The following CSNK1D variants were observed in gnomAD, a reference collection of about 807,000 sequenced individuals.
The protein encoded by CSNK1D is casein kinase I isoform delta.
Under a neutral mutation model 46.6 loss-of-function variants are expected in CSNK1D, and 16 were observed. That is an observed-to-expected ratio of 0.34 (90% CI 0.23 to 0.52). The LOEUF (loss-of-function observed/expected upper bound fraction) is 0.52. Among genes scored for constraint, CSNK1D ranks in the 20% least tolerant of loss-of-function variants. The pLI is 0.95. For missense variants in CSNK1D, 398 were observed against 578.4 expected, an observed-to-expected ratio of 0.69 and a Z score of 3.20; for synonymous variants, 276 against 228.2, an observed-to-expected ratio of 1.21 and a Z score of -1.89.
At position 82,252,647 on chromosome 17, in the gene CSNK1D, C is replaced by T; in HGVS notation, c.566-43G>A. 1 of 1,596,002 alleles carries T rather than the reference C, an allele frequency of 6.3e-7. No homozygotes were observed. Among genetic ancestry groups the T allele is most frequent in the Non-Finnish European group, 8.5e-7 (1 of 1,172,068 alleles). On this transcript the variant is annotated intron_variant, in intron 4 of 8. Transcript: ENST00000314028. This position sits in a 1 kb window ranked among gnomAD's most constrained non-coding sequence, Gnocchi z 4.6. ...AGGCGTGAAGAACGGCACTTGCGTG[C>T]TCACGTCAAAGCAAAAGACCCGGCT...
Position 82,250,253 on chromosome 17 carries a change from C to CA in CSNK1D, c.886-652dup. On this transcript the variant is annotated intron_variant, in intron 6 of 8. Coordinates refer to ENST00000314028, the MANE Select transcript of CSNK1D (RefSeq NM_001893.6). The surrounding 1 kb of genome is among the most constrained non-coding windows in gnomAD (Gnocchi z 4.6). ...CAAACTACAGCCCCGGGGCCAAACC[C>CA]AGGTGCCACTTCTTCCTGCAAGTAC... The CA allele has an allele frequency of 7.9e-7, 1 of 1,263,996 alleles. No individual in the cohort carries two copies. Among genetic ancestry groups the CA allele is most frequent in the Non-Finnish European group, 1.0e-6 (1 of 965,640 alleles). The allele number at this position is 1,263,996 out of a possible 1,614,324, so 78.3% of individuals were successfully genotyped here.
chr17:82,257,788 A>G, intron 2 of CSNK1D, among the ~76,000 whole-genome samples: 1 of 152,250 alleles, frequency 6.6e-6, no homozygotes, highest in East Asian at 1.9e-4. Context: ...CATGCGTGAC[A>G]TTCTCAATGT....
At chr17:82,239,842 C>T (rs2050715458), downstream of CSNK1D, 1 of 454,448 alleles carries the variant, frequency 2.2e-6, no homozygotes, top group Non-Finnish European at 3.6e-6. Flanking sequence ...GTGCCCAGGG[C>T]TGGTCTTTGC....
chr17:82,243,502 C>T lies in CSNK1D; in HGVS notation c.*1279G>A, dbSNP rs1421411929. The stretch of plus-strand genomic sequence containing the variant: ...CCAGCTCACGGAGGCCACCTGCCTT[C>T]TGGTGGGACTCGGCCCCACGCACGC... On this transcript the variant is annotated 3_prime_UTR_variant, in exon 9 of 9. Transcript: ENST00000314028. 1.0e-6 allele frequency: 1 copy of T among 985,412 alleles called. No homozygotes were observed. Among genetic ancestry groups the T allele is most frequent in the Admixed American group, 6.1e-5 (1 of 16,270 alleles). 61.0% of individuals were successfully genotyped at this position (985,412 alleles called of 1,614,324 possible).
chr17:82,249,077 CTA>C lies in CSNK1D; in HGVS notation c.1058-65_1058-64del. The C allele has an allele frequency of 6.5e-7, 1 of 1,528,256 alleles. No individual in the cohort carries two copies. The highest frequency in any genetic ancestry group is 1.2e-5 in the South Asian group (1 of 82,508). 94.7% of individuals were successfully genotyped at this position (1,528,256 alleles called of 1,614,324 possible). A position where few individuals can be genotyped will look rare whatever the true frequency, so the allele number is the denominator to read the frequency against. On this transcript the variant is annotated intron_variant, in intron 7 of 8. Coordinates refer to ENST00000314028, the MANE Select transcript of CSNK1D (RefSeq NM_001893.6). This position sits in a 1 kb window ranked among gnomAD's most constrained non-coding sequence, Gnocchi z 6.7. ...TCTGCTGCCTCTCACTCGGGGCTTT[CTA>C]TGAGAGGCTGTGGCCAGAGAGGACC...
At position 82,255,201 on chromosome 17, in the gene CSNK1D, C is replaced by T. The variant is rs1279918935; in HGVS notation, c.336+228G>A. 29 of 592,398 alleles carry T rather than the reference C, an allele frequency of 4.9e-5. No individual in the cohort carries two copies. The highest frequency in any genetic ancestry group is 3.5e-4 in the South Asian group (19 of 54,266). The allele number at this position is 592,398 out of a possible 1,614,324, so 36.7% of individuals were successfully genotyped here. A position where few individuals can be genotyped will look rare whatever the true frequency, so the allele number is the denominator to read the frequency against. ...CCAGTGAGCTGGGCCGCCGGAGCCT[C>T]GAGAAGCCAGTGAGCTGGGCCGCCG... On this transcript the variant is annotated intron_variant, in intron 3 of 8. Coordinates refer to ENST00000314028, the MANE Select transcript of CSNK1D (RefSeq NM_001893.6). The surrounding 1 kb of genome is among the most constrained non-coding windows in gnomAD (Gnocchi z 5.9).
At chr17:82,261,659 T>C (rs2051343345) in intron 2 of CSNK1D, among the ~76,000 whole-genome samples, 1 of 152,176 alleles carries the variant, frequency 6.6e-6, no homozygotes, top group African/African-American at 2.4e-5. Context: ...GTGAGCAAGG[T>C]CCTGGCACAG....
chr17:82,252,749 T>C lies in CSNK1D; in HGVS notation c.566-145A>G, dbSNP rs1486340520. The C allele has an allele frequency of 1.1e-6, 1 of 880,420 alleles. No homozygotes were observed. Among genetic ancestry groups the C allele is most frequent in the African/African-American group, 1.7e-5 (1 of 60,170 alleles). 54.5% of individuals were successfully genotyped at this position (880,420 alleles called of 1,614,324 possible). On this transcript the variant is annotated intron_variant, in intron 4 of 8. Transcript: ENST00000314028. The surrounding 1 kb of genome is among the most constrained non-coding windows in gnomAD (Gnocchi z 4.6). ...CTGGCACTTCCAGTGGAGACGAACC[T>C]CGGACACACATGCCCAGATCACTCT...
At position 82,242,730 on chromosome 17, in the gene CSNK1D, G is replaced by A. The variant is rs975977897; in HGVS notation, c.*2051C>T. The A allele has an allele frequency of 5.1e-6, 5 of 985,330 alleles. No homozygotes were observed. In the African/African-American group the frequency reaches 8.7e-5, roughly 17 times the overall value. The allele number at this position is 985,330 out of a possible 1,614,324, so 61.0% of individuals were successfully genotyped here. A position where few individuals can be genotyped will look rare whatever the true frequency, so the allele number is the denominator to read the frequency against. On this transcript the variant is annotated 3_prime_UTR_variant, in exon 9 of 9. Coordinates refer to ENST00000314028, the MANE Select transcript of CSNK1D (RefSeq NM_001893.6). The stretch of plus-strand genomic sequence containing the variant: ...TGTTAAAGTACACAAATACAGTGGC[G>A]ATACAAACGCACAGCTCGGAGACTG...
At position 82,248,185 on chromosome 17, in the gene CSNK1D, A is replaced by G; in HGVS notation, c.1197+690T>C. ...CCCCTGTTGGCGAACAACCCAGAAA[A>G]CTATTTGAAGAAATATAATGGATCC... On this transcript the variant is annotated intron_variant, in intron 8 of 8. Coordinates refer to ENST00000314028, the MANE Select transcript of CSNK1D (RefSeq NM_001893.6). The surrounding 1 kb of genome is among the most constrained non-coding windows in gnomAD (Gnocchi z 4.1). The G allele has an allele frequency of 1.0e-6, 1 of 985,490 alleles. No individual in the cohort carries two copies. 61.0% of individuals were successfully genotyped at this position (985,490 alleles called of 1,614,324 possible). A position where few individuals can be genotyped will look rare whatever the true frequency, so the allele number is the denominator to read the frequency against.
intron 8 of CSNK1D, chr17:82,247,495 T>C (rs2050880821): frequency 3.0e-6 from 3 of 985,480 alleles, no homozygotes; most frequent in Non-Finnish European, 3.6e-6. Flanking sequence ...AGCCAAGCGC[T>C]GGGGCGAGGC....
intron 2 of CSNK1D, chr17:82,261,179 T>C (rs2051330610): frequency 6.5e-6 from 1 of 154,894 alleles, no homozygotes; most frequent in Non-Finnish European, 1.5e-5. Context: ...TGCCTCTCAA[T>C]GCACTTGTGC....
chr17:82,248,183 A>G lies in CSNK1D; in HGVS notation c.1197+692T>C, dbSNP rs1419795337. The G allele has an allele frequency of 2.0e-6, 2 of 985,544 alleles. No homozygotes were observed. Among genetic ancestry groups the G allele is most frequent in the Non-Finnish European group, 2.4e-6 (2 of 829,984 alleles). 61.0% of individuals were successfully genotyped at this position (985,544 alleles called of 1,614,324 possible). On this transcript the variant is annotated intron_variant, in intron 8 of 8. Coordinates refer to ENST00000314028, the MANE Select transcript of CSNK1D (RefSeq NM_001893.6). The surrounding 1 kb of genome is among the most constrained non-coding windows in gnomAD (Gnocchi z 4.1). Reference sequence around the variant, plus strand: ...TGCCCCTGTTGGCGAACAACCCAGAAAACTATTTGAAGAAATATAATGGAT... The same window carrying G: ...TGCCCCTGTTGGCGAACAACCCAGAGAACTATTTGAAGAAATATAATGGAT...
chr17:82,258,708 T>A (rs1423276189), intron 2 of CSNK1D, among the ~76,000 whole-genome samples: 3 of 152,218 alleles, frequency 2.0e-5, no homozygotes, highest in African/African-American at 7.2e-5. Context: ...ATGCCTGCCA[T>A]GTGTTCCAGA....
chr17:82,260,165 T>C (rs925232748), intron 2 of CSNK1D, among the ~76,000 whole-genome samples: 1 of 151,520 alleles, frequency 6.6e-6, no homozygotes, highest in Non-Finnish European at 1.5e-5. Context: ...GTGTACTGAC[T>C]GATGTGACTG....
chr17:82,263,866 A>G (rs530353810), intron 2 of CSNK1D, among the ~76,000 whole-genome samples: 2 of 152,252 alleles, frequency 1.3e-5, no homozygotes, highest in South Asian at 2.1e-4. Context: ...CCAGTCCACC[A>G]CCAAGGGCCG....
At chr17:82,246,973 G>A (rs1234873951) in intron 8 of CSNK1D, 4 of 985,364 alleles carry the variant, frequency 4.1e-6, no homozygotes, top group Non-Finnish European at 4.8e-6. Context: ...CACCACGTGT[G>A]CTGGTGCTGG....
Position 82,252,389 on chromosome 17 carries a change from A to G in CSNK1D, c.736+45T>C. ...TCTCGGCACACCCGACACATATGCA[A>G]CCCCTGTGAGCAGCTCCGCTGAGAA... On this transcript the variant is annotated intron_variant, in intron 5 of 8. Coordinates refer to ENST00000314028, the MANE Select transcript of CSNK1D (RefSeq NM_001893.6). This position sits in a 1 kb window ranked among gnomAD's most constrained non-coding sequence, Gnocchi z 4.6. 6.2e-7 allele frequency: 1 copy of G among 1,609,670 alleles called. No homozygotes were observed. Among genetic ancestry groups the G allele is most frequent in the Non-Finnish European group, 8.5e-7 (1 of 1,176,348 alleles).
At chr17:82,241,555 G>A (rs2050741928), downstream of CSNK1D, among the ~76,000 whole-genome samples, 1 of 152,272 alleles carries the variant, frequency 6.6e-6, no homozygotes, top group South Asian at 2.1e-4. Context: ...GAGGGCAGCT[G>A]CAGGCCTGGG....
Sources: gnomAD v4.1 joint callset for allele counts (sites outside exome capture counted in the v4.1 genomes callset) on GRCh38, gnomAD v4.1.1 for gene constraint, Gnocchi (gnomAD v3.1) non-coding constraint, MANE v1.5 for transcripts, NCBI Gene and HGNC (gene_info 2026-07-23, HGNC 2026-07-21) for gene names.